The following FMO4 variants were observed in gnomAD, a reference collection of about 807,000 sequenced individuals.
FMO4 encodes the protein dimethylaniline monooxygenase [N-oxide-forming] 4.
FMO4 carries 38 observed loss-of-function variants against 43.3 expected under a neutral mutation model. The ratio of observed to expected loss-of-function variants is 0.88; its 90% CI spans 0.68 to 1.15. The LOEUF (loss-of-function observed/expected upper bound fraction) is 1.15, where lower values mean the gene tolerates loss of function less well. Ranked by LOEUF, FMO4 falls within the 50% of genes most tolerant of loss-of-function variation. FMO4 has a pLI of 0.00. For missense variants in FMO4, 631 were observed against 663.3 expected (o/e 0.95, Z 0.54); for synonymous variants, 224 against 232.2 (o/e 0.96, Z 0.32).
intron 9 of FMO4, among the ~76,000 whole-genome samples, chr1:171,339,911 G>GA (rs1034605532): frequency 6.6e-6 from 1 of 152,186 alleles, no homozygotes; most frequent in Non-Finnish European, 1.5e-5. Context: ...AAAACCCAGC[G>GA]AGAAAAGTTT....
rs764441938 is a variant in FMO4, at chr1:171,341,743, T to A, written c.1581T>A (p.Leu527=). ...AWGAPVLLAS[L]LLICKSSLFL... is the part of the protein sequence containing the mutation. ...GGGCACCTGTCCTACTTGCCTCTCT[T>A]CTACTTATCTGTAAATCTTCACTTT... is the stretch of plus-strand genomic sequence containing the variant. Residue 527 remains leucine (L), a synonymous_variant, in exon 10 of 10, where the codon CTT becomes CTA. Coordinates refer to ENST00000367749, the MANE Select transcript of FMO4 (RefSeq NM_002022.3). The A allele has an allele frequency of 1.9e-6, 3 of 1,613,850 alleles. No individual in the cohort carries two copies. The highest frequency in any genetic ancestry group is 1.7e-6 in the Non-Finnish European group (2 of 1,179,918).
chr1:171,330,297 T>G (rs757559809), intron 5 of FMO4, among the ~76,000 whole-genome samples: 4 of 152,252 alleles, frequency 2.6e-5, no homozygotes, highest in Non-Finnish European at 4.4e-5. Context: ...ATCACTGGCC[T>G]CATCACAATT....
At chr1:171,327,726 G>A (rs890339829) in intron 5 of FMO4, among the ~76,000 whole-genome samples, 5 of 152,108 alleles carry the variant, frequency 3.3e-5, no homozygotes, top group South Asian at 2.1e-4. Context: ...AACAGCCTGG[G>A]CAATATGGTG....
chr1:171,323,949 G>A (rs1662546399), intron 4 of FMO4, among the ~76,000 whole-genome samples, 189 bp from the exon 5 acceptor site: 1 of 152,200 alleles, frequency 6.6e-6, no homozygotes, highest in Non-Finnish European at 1.5e-5. Flanking sequence ...TTGAGTTAAA[G>A]TCTATATTGC....
Position 171,341,452 on chromosome 1 carries a change from C to T in FMO4, c.1290C>T (p.Tyr430=), listed in dbSNP as rs769320988. ...ACACCAGCAAAGACAAATTTGACTA[C>T]ATTGCCTACATGGATGATATCGCTG... is the stretch of plus-strand genomic sequence containing the variant. ...FKDTSKDKFD[Y]IAYMDDIAAC... The change falls in exon 10 of 10, where the codon TAC becomes TAT. Residue 430 remains tyrosine (Y), a synonymous_variant. Coordinates refer to ENST00000367749, the MANE Select transcript of FMO4 (RefSeq NM_002022.3). 5 of 1,613,720 alleles carry T rather than the reference C, an allele frequency of 3.1e-6. No individual in the cohort carries two copies. The highest frequency in any genetic ancestry group is 3.4e-6 in the Non-Finnish European group (4 of 1,179,868).
chr1:171,324,941 T>G (rs1364592485), intron 5 of FMO4, among the ~76,000 whole-genome samples: 10 of 151,980 alleles, frequency 6.6e-5, no homozygotes, highest in Non-Finnish European at 7.4e-5. Context: ...AACCCTGTCT[T>G]TACTAAAAAT....
chr1:171,315,712 A>G (rs181972098), intron 1 of FMO4, among the ~76,000 whole-genome samples: 3 of 152,342 alleles, frequency 2.0e-5, no homozygotes, highest in Admixed American at 2.0e-4. Flanking sequence ...TATAGTCTGT[A>G]AATACGGATT....
intron 4 of FMO4, among the ~76,000 whole-genome samples, chr1:171,323,786 G>GA (rs1173236465): frequency 2.0e-5 from 3 of 151,914 alleles, no homozygotes; most frequent in South Asian, 2.1e-4. Context: ...GCCCATTGGG[G>GA]AAAAAAAATC....
chr1:171,337,621 C>T (rs758950471), intron 9 of FMO4, among the ~76,000 whole-genome samples, 196 bp downstream of exon 9: 3 of 152,180 alleles, frequency 2.0e-5, no homozygotes, highest in Non-Finnish European at 4.4e-5. Flanking sequence ...CATCTGGGGA[C>T]ACCAGGTCTT....
At chr1:171,320,827 A>AAAAC (rs1662389934) in intron 3 of FMO4, among the ~76,000 whole-genome samples, 1 of 149,654 alleles carries the variant, frequency 6.7e-6, no homozygotes, top group African/African-American at 2.6e-5. Flanking sequence ...AATAAAATGA[A>AAAAC]AAACAAACAA....
Position 171,325,138 on chromosome 1 carries a change from CAT to C in FMO4, c.484+840_484+841del, listed in dbSNP as rs1662605902. Among the ~76,000 whole-genome samples, 3 of 152,206 alleles carry C rather than the reference CAT, an allele frequency of 2.0e-5. 1 individual carries two copies. Among genetic ancestry groups the C allele is most frequent in the African/African-American group, 7.2e-5 (3 of 41,556 alleles). On this transcript the variant is annotated intron_variant, in intron 5 of 9. Coordinates refer to ENST00000367749, the MANE Select transcript of FMO4 (RefSeq NM_002022.3). ...ATAAATGAACAAATAAATAAATAATCATACAACTCTTAAACCAGGGCTATCCA... is the reference window on the plus strand; with the variant it reads ...ATAAATGAACAAATAAATAAATAATCACAACTCTTAAACCAGGGCTATCCA...
intron 2 of FMO4, among the ~76,000 whole-genome samples, chr1:171,319,212 G>C (rs1324004847): frequency 2.0e-5 from 3 of 152,122 alleles, no homozygotes; most frequent in African/African-American, 7.2e-5. Flanking sequence ...AGCTGGAAAG[G>C]GGATGGAGTG....
chr1:171,337,384 A>C lies in FMO4; in HGVS notation c.1209A>C (p.Lys403Asn). 1 of 1,612,978 alleles carries C rather than the reference A, an allele frequency of 6.2e-7. No individual in the cohort carries two copies. Among genetic ancestry groups the C allele is most frequent in the South Asian group, 1.1e-5 (1 of 91,062 alleles). ...KGLCKIPPSQ[K>N]LMMEATEKEQ... The stretch of plus-strand genomic sequence containing the variant: ...TCTGTAAGATACCTCCATCCCAAAA[A>C]TTGATGATGGAGGCTACTGAAAAGG... Residue 403 changes from lysine to asparagine, a missense_variant, in exon 9 of 10, where the codon AAA (lysine) becomes AAC (asparagine). Lys to Asn is a moderately conservative substitution (Grantham distance 94). Coordinates refer to ENST00000367749, the MANE Select transcript of FMO4 (RefSeq NM_002022.3).
At chr1:171,333,638 A>G (rs1311342355) in intron 7 of FMO4, among the ~76,000 whole-genome samples, 2 of 152,126 alleles carry the variant, frequency 1.3e-5, no homozygotes, top group South Asian at 2.1e-4. Flanking sequence ...ACTTGACCCA[A>G]ATATTTTTCT....
At chr1:171,316,986 C>G (rs1173812782) in intron 2 of FMO4, among the ~76,000 whole-genome samples, 1 of 152,126 alleles carries the variant, frequency 6.6e-6, no homozygotes, top group South Asian at 2.1e-4. Context: ...GAGAAAAACT[C>G]CAAGCCCATC....
In FMO4 at chr1:171,341,632, G is replaced by C; in HGVS notation, c.1470G>C (p.Trp490Cys). The C allele has an allele frequency of 6.2e-7, 1 of 1,613,858 alleles. No individual in the cohort carries two copies. The highest frequency in any genetic ancestry group is 1.3e-5 in the African/African-American group (1 of 75,004). Residue 490 changes from tryptophan (W) to cysteine (C), a missense_variant, in exon 10 of 10, where the codon TGG (tryptophan) becomes TGC (cysteine). Coordinates refer to ENST00000367749, the MANE Select transcript of FMO4 (RefSeq NM_002022.3). ...CCAGAAATGCCATCCTGACCCAGTG[G>C]GACAGAACATTGAAACCTTTAAAAA... ...DGARNAILTQ[W>C]DRTLKPLKTR...
intron 8 of FMO4, among the ~76,000 whole-genome samples, chr1:171,336,320 G>A (rs561943281): frequency 1.3e-5 from 2 of 152,206 alleles, no homozygotes; most frequent in East Asian, 3.9e-4. Context: ...GGGTGTTCTA[G>A]GAACCCAGAA....
Position 171,329,559 on chromosome 1 carries a change from C to T in FMO4, c.485-2081C>T, listed in dbSNP as rs543272060. ...GGGAGAAATGCTGCCAGTGCAGCCA[C>T]CATCCCTCGAAGGCAGTCCCAGTCA... On this transcript the variant is annotated intron_variant, in intron 5 of 9. Transcript: ENST00000367749. Among the ~76,000 whole-genome samples the T allele has an allele frequency of 5.4e-4, 82 of 152,192 alleles. 2 individuals are homozygous for T. Among genetic ancestry groups the T allele is most frequent in the Non-Finnish European group, 1.1e-3 (78 of 68,040 alleles).
At position 171,323,138 on chromosome 1, in the gene FMO4, C is replaced by T; in HGVS notation, c.267C>T (p.Asp89=). The T allele has an allele frequency of 6.2e-7, 1 of 1,613,672 alleles. No individual in the cohort carries two copies. The highest frequency in any genetic ancestry group is 8.5e-7 in the Non-Finnish European group (1 of 1,179,668). ...TCATGAACCATGAAAAATTTTGGGA[C>T]TATCTCCAAGAATTTGCTGAGCACT... The part of the protein sequence containing the change: ...PNFMNHEKFW[D]YLQEFAEHFD... Residue 89 remains aspartate, a synonymous_variant, in exon 4 of 10, where the codon GAC becomes GAT. Transcript: ENST00000367749.
Sources: allele counts gnomAD v4.1 joint callset (sites outside exome capture counted in the v4.1 genomes callset), GRCh38; gene constraint gnomAD v4.1.1; transcripts MANE v1.5; gene names NCBI Gene and HGNC (gene_info 2026-07-23, HGNC 2026-07-21).